Variants in PCLAF observed in about 807,000 individuals in gnomAD.
PCLAF encodes the protein PCNA clamp associated factor.
PCLAF carries 12 observed loss-of-function variants against 15.1 expected under a neutral mutation model. The ratio of observed to expected loss-of-function variants is 0.79; its 90% confidence interval spans 0.51 to 1.29. The LOEUF is 1.29. Ranked by LOEUF, PCLAF falls within the 50% of genes most tolerant of loss-of-function variation. The pLI is 0.00. For synonymous variants in PCLAF, 33 were observed against 47.1 expected, an observed-to-expected ratio of 0.70 and a Z score of 1.22; for missense variants, 116 against 130.9, an observed-to-expected ratio of 0.89 and a Z score of 0.56.
chr15:64,367,511 C>T (rs939474596), intron 3 of PCLAF, among the ~76,000 whole-genome samples: 7 of 19,124 alleles, frequency 3.7e-4, no homozygotes, highest in Non-Finnish European at 3.0e-3. Context: ...CTCAAAAAAA[C>T]CCAAAAAAAA....
rs1202775020 is a variant in PCLAF, at chr15:64,365,568, AGAG to A, written c.*459_*461del. The A allele has an allele frequency of 1.9e-5, 3 of 159,072 alleles. No homozygotes were observed. Among genetic ancestry groups the A allele is most frequent in the African/African-American group, 7.2e-5 (3 of 41,512 alleles). 9.9% of individuals were successfully genotyped at this position (159,072 alleles called of 1,614,324 possible). ...GCGTATTTGTCCTCCTTGCCAAAAA[AGAG>A]GGTAGAATAAGTAATGTTTAATTAA... On this transcript the variant is annotated 3_prime_UTR_variant, in exon 4 of 4. Coordinates refer to ENST00000300035, the MANE Select transcript of PCLAF (RefSeq NM_014736.6).
intron 1 of PCLAF, chr15:64,387,393 A>AT (rs1899969767): frequency 1.5e-5 from 15 of 1,012,670 alleles, no homozygotes; most frequent in African/African-American, 1.8e-5. Flanking sequence ...AAATAAATAA[A>AT]TAAATTAATT....
chr15:64,387,648 G>A, exon 1 of PCLAF: 11 of 1,410,648 alleles, frequency 7.8e-6, no homozygotes, highest in Non-Finnish European at 1.0e-5. Flanking sequence ...ATCATGCACT[G>A]ACAGAGCTCG....
chr15:64,371,973 C>T (rs894839963), intron 3 of PCLAF, among the ~76,000 whole-genome samples: 57 of 20,490 alleles, frequency 2.8e-3, no homozygotes, highest in African/African-American at 6.3e-3. Flanking sequence ...TCAACATGTA[C>T]AAAGTCACCT....
At chr15:64,368,720 T>C (rs1899154320) in intron 3 of PCLAF, among the ~76,000 whole-genome samples, 1 of 150,198 alleles carries the variant, frequency 6.7e-6, no homozygotes, top group Admixed American at 6.6e-5. Flanking sequence ...TATAAACCTC[T>C]ATTACCTAGG....
chr15:64,371,886 C>T (rs181979950), intron 3 of PCLAF, among the ~76,000 whole-genome samples: 7 of 151,572 alleles, frequency 4.6e-5, no homozygotes, highest in Non-Finnish European at 5.9e-5. Context: ...CATTAGCCAC[C>T]GCACCTGGCC....
At chr15:64,377,484 AAAAAATATATAT>A (rs1899641707) in intron 2 of PCLAF, among the ~76,000 whole-genome samples, 1 of 41,582 alleles carries the variant, frequency 2.4e-5, no homozygotes, top group African/African-American at 8.7e-5. Flanking sequence ...AAAAAAAAAA[AAAAAATATATAT>A]ATATATATAT....
In PCLAF at chr15:64,376,871, G is replaced by C; in HGVS notation, c.162C>G (p.Cys54Trp). The change falls in exon 3 of 4, where the codon TGC becomes TGG. Residue 54 changes from cysteine (C) to tryptophan (W), a missense_variant. By Grantham distance (215) the Cys-to-Trp change is radical. Coordinates refer to ENST00000300035, the MANE Select transcript of PCLAF (RefSeq NM_014736.6). ...ENKYAGGNPV[C>W]VRPTPKWQKG... ...TTTGCCACTTGGGAGTTGGGCGCAC[G>C]CAAACGGGGTTCCCTCCTGCATATT... The C allele has an allele frequency of 6.2e-7, 1 of 1,613,806 alleles. No individual in the cohort carries two copies. The highest frequency in any genetic ancestry group is 8.5e-7 in the Non-Finnish European group (1 of 1,179,864).
At chr15:64,380,100 T>C (rs549330379) in intron 2 of PCLAF, among the ~76,000 whole-genome samples, 1 of 152,212 alleles carries the variant, frequency 6.6e-6, no homozygotes, top group African/African-American at 2.4e-5. Context: ...AGAAAAATAA[T>C]AGCTGGGCGT....
At chr15:64,369,486 C>T (rs1899192138) in intron 3 of PCLAF, among the ~76,000 whole-genome samples, 1 of 151,490 alleles carries the variant, frequency 6.6e-6, no homozygotes, top group South Asian at 2.1e-4. Context: ...GATTTAATTG[C>T]TGCTAATCTC....
chr15:64,365,089 A>C lies in PCLAF; in HGVS notation c.*941T>G, dbSNP rs1260604328. Reference sequence around the variant, plus strand: ...GCAATCTCGGCTCACTGCAAGCTCCACTTCCCGGGTTCACGCCATTCTCCT... The same window carrying C: ...GCAATCTCGGCTCACTGCAAGCTCCCCTTCCCGGGTTCACGCCATTCTCCT... On this transcript the variant is annotated 3_prime_UTR_variant, in exon 4 of 4. Coordinates refer to ENST00000300035, the MANE Select transcript of PCLAF (RefSeq NM_014736.6). 1 of 137,278 alleles carries C rather than the reference A, an allele frequency of 7.3e-6. No individual in the cohort carries two copies. The highest frequency in any genetic ancestry group is 1.5e-5 in the Non-Finnish European group (1 of 66,112). 8.5% of individuals were successfully genotyped at this position (137,278 alleles called of 1,614,324 possible).
intron 3 of PCLAF, among the ~76,000 whole-genome samples, chr15:64,366,334 T>A (rs1315814449): frequency 2.0e-5 from 3 of 152,224 alleles, no homozygotes; most frequent in Admixed American, 6.6e-5. Context: ...CGTTGTAATT[T>A]TTATTAAAAA....
intron 3 of PCLAF, among the ~76,000 whole-genome samples, chr15:64,375,343 C>T (rs1019686382): frequency 1.3e-5 from 2 of 152,002 alleles, no homozygotes; most frequent in Admixed American, 6.6e-5. Context: ...AGGATGGTCT[C>T]GATCTCTTGA....
chr15:64,370,142 A>G (rs62022696), intron 3 of PCLAF, among the ~76,000 whole-genome samples: 4 of 151,312 alleles, frequency 2.6e-5, no homozygotes, highest in Non-Finnish European at 4.4e-5. Context: ...TCAGTGGCAC[A>G]ATCATAACTC....
chr15:64,379,947 A>G (rs1430189970), intron 2 of PCLAF, among the ~76,000 whole-genome samples: 1 of 51,606 alleles, frequency 1.9e-5, no homozygotes, highest in African/African-American at 4.3e-5. Flanking sequence ...AAACAAGCAA[A>G]CAAAAACAAA....
intron 2 of PCLAF, among the ~76,000 whole-genome samples, chr15:64,380,184 C>G (rs1899766502): frequency 6.6e-6 from 1 of 151,920 alleles, no homozygotes; most frequent in Non-Finnish European, 1.5e-5. Flanking sequence ...AGTTTGAGAT[C>G]AGTCTGGCCA....
rs554981798 is a variant in PCLAF, at chr15:64,379,113, T to C, written c.127+1845A>G. ...AAAGGATGCATTTATTCAACATATA[T>C]TCAGTAAGGGCCTATTTAGTTGGCT... On this transcript the variant is annotated intron_variant, in intron 2 of 3. Transcript: ENST00000300035. 2.0e-5 allele frequency among the ~76,000 whole-genome samples: 3 copies of C among 152,202 alleles called. No individual in the cohort carries two copies. The South Asian group carries it at 6.2e-4, about 32-fold the overall frequency.
chr15:64,386,731 C>T (rs1186305776), intron 1 of PCLAF, among the ~76,000 whole-genome samples: 1 of 152,154 alleles, frequency 6.6e-6, no homozygotes, highest in South Asian at 2.1e-4. Context: ...TGAGACACTG[C>T]GCCCGGCCAA....
chr15:64,372,893 G>C (rs902762370), intron 3 of PCLAF, among the ~76,000 whole-genome samples: 4 of 152,042 alleles, frequency 2.6e-5, no homozygotes, highest in Non-Finnish European at 4.4e-5. Flanking sequence ...CTTGAACCCA[G>C]GAGGCGAAGG....
Sources: gnomAD v4.1 joint callset for allele counts (sites outside exome capture counted in the v4.1 genomes callset) on GRCh38, gnomAD v4.1.1 for gene constraint, MANE v1.5 for transcripts, NCBI Gene and HGNC (gene_info 2026-07-23, HGNC 2026-07-21) for gene names.